TBC1D22A: variants seen among roughly 807,000 people sequenced by gnomAD.
The protein encoded by TBC1D22A is putative GTPase activator.
In TBC1D22A, 38 loss-of-function variants were observed where a neutral mutation model predicts 60.2. The ratio of observed to expected loss-of-function variants is 0.63; its 90% CI spans 0.49 to 0.83. The LOEUF (loss-of-function observed/expected upper bound fraction) is 0.83, where lower values mean the gene tolerates loss of function less well. Ranked by LOEUF, TBC1D22A falls within the 40% of genes least tolerant of loss-of-function variation. The probability of loss-of-function intolerance (pLI) is 0.00; values close to 1 mark genes in which losing one functional copy is unlikely to be tolerated. For synonymous variants in TBC1D22A, 302 were observed against 281.7 expected, an observed-to-expected ratio of 1.07 and a Z score of -0.72; for missense variants, 628 against 701.0, an observed-to-expected ratio of 0.90 and a Z score of 1.18.
intron 8 of TBC1D22A, among the ~76,000 whole-genome samples, chr22:46,925,829 C>T (rs1203181191): frequency 6.6e-6 from 1 of 152,114 alleles, no homozygotes; most frequent in East Asian, 1.9e-4. Context: ...TAGTAGATAT[C>T]CACAGAACAC....
At chr22:46,801,993 T>G (rs1232863372) in intron 4 of TBC1D22A, among the ~76,000 whole-genome samples, 1 of 152,246 alleles carries the variant, frequency 6.6e-6, no homozygotes, top group Non-Finnish European at 1.5e-5. Context: ...GCCTGGGCCC[T>G]TGGTGACAGG....
At chr22:46,898,923 T>G (rs1226750844) in intron 7 of TBC1D22A, among the ~76,000 whole-genome samples, 2 of 152,206 alleles carry the variant, frequency 1.3e-5, no homozygotes, top group Non-Finnish European at 2.9e-5. Flanking sequence ...TTTCACTCCC[T>G]CTGCAGTGGG....
intron 11 of TBC1D22A, among the ~76,000 whole-genome samples, chr22:47,099,169 G>A (rs1055557944): frequency 5.3e-5 from 8 of 152,224 alleles, no homozygotes; most frequent in Non-Finnish European, 8.8e-5. Context: ...CCGTGTGGAA[G>A]TGCAGACCCT....
At chr22:47,035,704 A>G (rs2062632616) in intron 10 of TBC1D22A, among the ~76,000 whole-genome samples, 1 of 152,122 alleles carries the variant, frequency 6.6e-6, no homozygotes, top group African/African-American at 2.4e-5. Flanking sequence ...GGGTCCCATC[A>G]TGGGACCAGA....
intron 4 of TBC1D22A, among the ~76,000 whole-genome samples, chr22:46,809,098 T>C (rs1236023189): frequency 6.6e-6 from 1 of 152,202 alleles, no homozygotes; most frequent in Non-Finnish European, 1.5e-5. Context: ...GACTGGGTGG[T>C]TTATGCAGTA....
chr22:46,773,303 C>T (rs564058771), intron 1 of TBC1D22A, among the ~76,000 whole-genome samples: 45 of 152,278 alleles, frequency 3.0e-4, no homozygotes, highest in Admixed American at 1.1e-3. Flanking sequence ...AGATGACCCA[C>T]CTGCGTAGTT....
intron 11 of TBC1D22A, among the ~76,000 whole-genome samples, chr22:47,091,033 G>T (rs1264596468): frequency 8.2e-6 from 1 of 121,478 alleles, no homozygotes; most frequent in Admixed American, 9.1e-5. Context: ...ACAGGCATGA[G>T]AAGTCGTCTT....
At chr22:47,158,192 G>A (rs934287541) in intron 12 of TBC1D22A, among the ~76,000 whole-genome samples, 1 of 152,168 alleles carries the variant, frequency 6.6e-6, no homozygotes, top group African/African-American at 2.4e-5. Context: ...GTATGGCCTC[G>A]ACCAGCACTC....
intron 10 of TBC1D22A, among the ~76,000 whole-genome samples, chr22:47,030,414 A>G (rs1290066425): frequency 6.6e-6 from 1 of 152,154 alleles, no homozygotes; most frequent in Non-Finnish European, 1.5e-5. Flanking sequence ...TGCTTGCATA[A>G]TTTATTTTTA....
intron 12 of TBC1D22A, among the ~76,000 whole-genome samples, chr22:47,149,546 T>C (rs1798214718): frequency 6.6e-6 from 1 of 151,978 alleles, no homozygotes; most frequent in South Asian, 2.1e-4. Context: ...ATGGGACCAC[T>C]CCCCCGCCCA....
intron 5 of TBC1D22A, among the ~76,000 whole-genome samples, chr22:46,886,057 G>T (rs9627599): frequency 0.012 from 1,869 of 151,840 alleles, 32 homozygotes; most frequent in African/African-American, 0.041. Flanking sequence ...ACAGGCGCCT[G>T]CCACCACGCC....
At chr22:46,898,866 C>T (rs2068828364) in intron 7 of TBC1D22A, among the ~76,000 whole-genome samples, 1 of 152,210 alleles carries the variant, frequency 6.6e-6, no homozygotes, top group Admixed American at 6.5e-5. Flanking sequence ...CCCAGCTTGA[C>T]TTTTCCCTTT....
At chr22:47,034,960 G>A (rs1333159077) in intron 10 of TBC1D22A, among the ~76,000 whole-genome samples, 1 of 152,104 alleles carries the variant, frequency 6.6e-6, no homozygotes, top group African/African-American at 2.4e-5. Context: ...GAGTCCTGAG[G>A]CACCAGCGTT....
chr22:47,068,662 A>C (rs1180232072), intron 11 of TBC1D22A, among the ~76,000 whole-genome samples: 1 of 152,238 alleles, frequency 6.6e-6, no homozygotes, highest in Non-Finnish European at 1.5e-5. Flanking sequence ...GTAAAATGTG[A>C]TAATTGATGA....
chr22:46,989,730 A>G (rs896838774), intron 9 of TBC1D22A, among the ~76,000 whole-genome samples: 4 of 151,768 alleles, frequency 2.6e-5, no homozygotes, highest in African/African-American at 9.7e-5. Flanking sequence ...AGTTTGAAAT[A>G]TTAAGAGAAT....
At chr22:47,054,118 T>C (rs766744504) in intron 11 of TBC1D22A, among the ~76,000 whole-genome samples, 4 of 152,144 alleles carry the variant, frequency 2.6e-5, no homozygotes, top group Non-Finnish European at 5.9e-5. Flanking sequence ...GCTCTGGGCA[T>C]GCATCCCTGA....
intron 8 of TBC1D22A, chr22:46,913,881 G>A (rs1042359937): frequency 3.8e-6 from 2 of 519,622 alleles, no homozygotes; most frequent in Admixed American, 6.4e-5. Flanking sequence ...GCATGACCAC[G>A]ATCTTAATTG....
chr22:47,082,419 A>G (rs2064508181), intron 11 of TBC1D22A, among the ~76,000 whole-genome samples: 1 of 151,996 alleles, frequency 6.6e-6, no homozygotes, highest in African/African-American at 2.4e-5. Context: ...ATAATAGAAT[A>G]ATAGAATCGA....
intron 4 of TBC1D22A, among the ~76,000 whole-genome samples, chr22:46,842,012 C>G (rs1276164714): frequency 6.6e-6 from 1 of 152,174 alleles, no homozygotes; most frequent in African/African-American, 2.4e-5. Flanking sequence ...AAAATTGCAT[C>G]CAGATATTCC....
Sources: gnomAD v4.1 joint callset for allele counts (sites outside exome capture counted in the v4.1 genomes callset) on GRCh38, gnomAD v4.1.1 for gene constraint, MANE v1.5 for transcripts, NCBI Gene and HGNC (gene_info 2026-07-23, HGNC 2026-07-21) for gene names.